CEP57: variants seen among roughly 807,000 people sequenced by gnomAD.
CEP57 encodes the protein centrosomal protein of 57 kDa.
Under a neutral mutation model 68.0 loss-of-function variants are expected in CEP57, and 40 were observed. The observed-to-expected ratio is 0.59, with a 90% confidence interval of 0.46 to 0.77. CEP57 has a LOEUF of 0.77. Ranked by LOEUF, CEP57 falls within the 30% of genes least tolerant of loss-of-function variation. The pLI, the probability that CEP57 is intolerant of heterozygous loss-of-function variation, is 0.00. For missense variants in CEP57, 606 were observed against 580.7 expected (o/e 1.04, Z -0.45); for synonymous variants, 219 against 198.7 (o/e 1.10, Z -0.86).
intron 8 of CEP57, chr11:95,825,927 C>T (rs1489526269): frequency 6.6e-6 from 1 of 152,172 alleles, no homozygotes; most frequent in Non-Finnish European, 1.5e-5. Context: ...CTGCTTTTGA[C>T]TTTTACGACA....
intron 2 of CEP57, among the ~76,000 whole-genome samples, chr11:95,799,829 A>G (rs1297337031): frequency 6.6e-6 from 1 of 152,108 alleles, no homozygotes; most frequent in Non-Finnish European, 1.5e-5. Context: ...GTCATTTGTC[A>G]TTATCCATCA....
Position 95,802,332 on chromosome 11 carries a change from A to T in CEP57, c.202+2944A>T, listed in dbSNP as rs1486641644. 8.1e-5 allele frequency among the ~76,000 whole-genome samples: 12 copies of T among 148,490 alleles called. No individual in the cohort carries two copies. In the Admixed American group the frequency reaches 8.2e-4, roughly 10 times the overall value. Reference sequence around the variant, plus strand: ...TGCGGTGGCATGATCTTGGCTCACTACAACCTCTGCCTCCCAGGTTCAAGC... The same window carrying T: ...TGCGGTGGCATGATCTTGGCTCACTTCAACCTCTGCCTCCCAGGTTCAAGC... On this transcript the variant is annotated intron_variant, in intron 2 of 10. Transcript: ENST00000325542.
At chr11:95,816,908 G>A (rs1166878478) in intron 4 of CEP57, among the ~76,000 whole-genome samples, 1 of 151,760 alleles carries the variant, frequency 6.6e-6, no homozygotes, top group Admixed American at 6.6e-5. Context: ...CTACTCAGGA[G>A]GCTCAGGCAG....
chr11:95,793,456 T>C (rs926287633), intron 1 of CEP57, among the ~76,000 whole-genome samples: 1 of 152,220 alleles, frequency 6.6e-6, no homozygotes, highest in Non-Finnish European at 1.5e-5. Flanking sequence ...CATATTAATT[T>C]CCCTTAAAAA....
chr11:95,799,177 A>G (rs1565311544), intron 1 of CEP57, 55 bp from the exon 2 acceptor site: 1 of 1,574,232 alleles, frequency 6.4e-7, no homozygotes, highest in Non-Finnish European at 8.7e-7. Context: ...TGTGATTTAA[A>G]TCTGCTATTT....
At position 95,799,337 on chromosome 11, in the gene CEP57, C is replaced by T. The variant is rs778077296; in HGVS notation, c.151C>T (p.Arg51Ter). Residue 51 changes from arginine to a stop codon, truncating the protein, a stop_gained, in exon 2 of 11, where the codon CGA becomes TGA. Coordinates refer to ENST00000325542, the MANE Select transcript of CEP57 (RefSeq NM_014679.5). LOFTEE classifies it high-confidence loss of function. ...TAAGCCTTTCCTTAATAGTGATCTA[C>T]GACGCTCCCCAAGTAAGCCTACACT... is the stretch of plus-strand genomic sequence containing the variant. ...SDKPFLNSDL[R>*]RSPSKPTLAY... The T allele has an allele frequency of 4.3e-6, 7 of 1,614,026 alleles. No individual in the cohort carries two copies. The highest frequency in any genetic ancestry group is 2.2e-5 in the East Asian group (1 of 44,876).
At chr11:95,799,067 C>G (rs1861464415) in intron 1 of CEP57, among the ~76,000 whole-genome samples, 165 bp from the exon 2 acceptor site, 1 of 152,180 alleles carries the variant, frequency 6.6e-6, no homozygotes, top group Admixed American at 6.5e-5. Flanking sequence ...ATATGAAACA[C>G]TTTAAAAGTT....
rs1477769775 is a variant in CEP57, at chr11:95,812,708, G to T, written c.203-224G>T. On this transcript the variant is annotated intron_variant, in intron 2 of 10. Coordinates refer to ENST00000325542, the MANE Select transcript of CEP57 (RefSeq NM_014679.5). Reference sequence around the variant, plus strand: ...ACCCACCTCAGCCTCCCAAAGTGCTGGGATTACAGGTGTGAGCCACCGCAC... The same window carrying T: ...ACCCACCTCAGCCTCCCAAAGTGCTTGGATTACAGGTGTGAGCCACCGCAC... Among the ~76,000 whole-genome samples the T allele has an allele frequency of 2.6e-5, 4 of 152,210 alleles. No individual in the cohort carries two copies. The South Asian group carries it at 8.3e-4, about 32-fold the overall frequency.
intron 1 of CEP57, among the ~76,000 whole-genome samples, chr11:95,798,652 T>C (rs1023921494): frequency 3.9e-5 from 6 of 152,238 alleles, no homozygotes; most frequent in Admixed American, 3.9e-4. Flanking sequence ...ATCCTAAATT[T>C]AACAGAATCT....
chr11:95,801,970 A>G (rs1447255332), intron 2 of CEP57, among the ~76,000 whole-genome samples: 1 of 152,184 alleles, frequency 6.6e-6, no homozygotes, highest in Non-Finnish European at 1.5e-5. Context: ...TTTTAATCCA[A>G]CGATACTTAC....
intron 6 of CEP57, among the ~76,000 whole-genome samples, chr11:95,820,579 CAAA>C (rs56260498): frequency 6.1e-5 from 5 of 82,422 alleles, no homozygotes; most frequent in African/African-American, 5.1e-5. Flanking sequence ...GCAACAAGAG[CAAA>C]AAAAAAAAAA....
intron 7 of CEP57, 58 bp from the exon 8 acceptor site, chr11:95,822,441 G>A: frequency 7.5e-7 from 1 of 1,333,660 alleles, no homozygotes; most frequent in East Asian, 2.4e-5. Context: ...GTCATGTATA[G>A]TCAGTTTTTA....
chr11:95,794,169 A>G (rs1182450239), intron 1 of CEP57: 3 of 434,220 alleles, frequency 6.9e-6, no homozygotes, highest in Non-Finnish European at 1.4e-5. Context: ...CCTGAGAGAA[A>G]AAGTTTGCAA....
intron 9 of CEP57, 66 bp from the exon 10 acceptor site, chr11:95,829,121 G>T: frequency 6.6e-7 from 1 of 1,524,334 alleles, no homozygotes; most frequent in South Asian, 1.1e-5. Context: ...CCCATAATGA[G>T]GTATAATAGA....
At chr11:95,819,494 A>G (rs1862433589) in intron 6 of CEP57, among the ~76,000 whole-genome samples, 1 of 152,222 alleles carries the variant, frequency 6.6e-6, no homozygotes, top group Admixed American at 6.5e-5. Flanking sequence ...TTTCTAGGAG[A>G]TATATAGCAA....
At chr11:95,807,716 A>T (rs1388871546) in intron 2 of CEP57, among the ~76,000 whole-genome samples, 1 of 152,240 alleles carries the variant, frequency 6.6e-6, no homozygotes, top group Non-Finnish European at 1.5e-5. Flanking sequence ...ATATGGGACT[A>T]TGAGAAAAGA....
chr11:95,817,601 A>G (rs1044887683), intron 4 of CEP57, among the ~76,000 whole-genome samples, 186 bp from the exon 5 acceptor site: 2 of 152,212 alleles, frequency 1.3e-5, no homozygotes, highest in African/African-American at 2.4e-5. Flanking sequence ...AGCCAAGGCA[A>G]CTGAGCTAAG....
chr11:95,812,614 T>G (rs1363426550), intron 2 of CEP57, among the ~76,000 whole-genome samples: 1 of 152,074 alleles, frequency 6.6e-6, no homozygotes. Flanking sequence ...GCCTAATTTT[T>G]TTTATTTTTA....
chr11:95,809,245 A>G (rs111379232), intron 2 of CEP57, among the ~76,000 whole-genome samples: 5,976 of 152,296 alleles, frequency 0.039, 176 homozygotes, highest in South Asian at 0.09. Flanking sequence ...CCACAAGAGA[A>G]AGCAGGAAAG....
Sources: allele counts gnomAD v4.1 joint callset (sites outside exome capture counted in the v4.1 genomes callset), GRCh38; gene constraint gnomAD v4.1.1; transcripts MANE v1.5; gene names NCBI Gene and HGNC (gene_info 2026-07-23, HGNC 2026-07-21).